EHBP1: variants seen among roughly 807,000 people sequenced by gnomAD.
EHBP1 encodes EH domain-binding protein 1.
In EHBP1, 55 loss-of-function variants were observed where a neutral mutation model predicts 144.0. The observed-to-expected ratio is 0.38, with a 90% CI of 0.31 to 0.48. EHBP1 has a LOEUF of 0.48. Ranked by LOEUF, EHBP1 falls within the 20% of genes least tolerant of loss-of-function variation. EHBP1 has a pLI of 0.98. For synonymous variants in EHBP1, 469 were observed against 472.7 expected (o/e 0.99, Z 0.10); for missense variants, 1,200 against 1,364.2 (o/e 0.88, Z 1.90).
intron 1 of EHBP1, among the ~76,000 whole-genome samples, chr2:62,682,163 C>G (rs888316852): frequency 6.6e-6 from 1 of 152,174 alleles, no homozygotes; most frequent in Admixed American, 6.5e-5. Flanking sequence ...GAGGACATGC[C>G]TACATTGTCA....
intron 5 of EHBP1, among the ~76,000 whole-genome samples, chr2:62,796,883 C>G (rs1329557033): frequency 1.4e-5 from 2 of 144,076 alleles, no homozygotes; most frequent in African/African-American, 5.2e-5. Context: ...TTTTCTTTGT[C>G]TCCTAAGTTC....
chr2:62,900,699 T>G (rs1209152526), intron 10 of EHBP1, among the ~76,000 whole-genome samples: 1 of 150,814 alleles, frequency 6.6e-6, no homozygotes, highest in African/African-American at 2.5e-5. Context: ...TATATATATA[T>G]ATATTTTCTT....
At chr2:62,763,204 C>G (rs1303759235) in intron 3 of EHBP1, among the ~76,000 whole-genome samples, 4 of 152,060 alleles carry the variant, frequency 2.6e-5, no homozygotes, top group Non-Finnish European at 4.4e-5. Context: ...TTTTCTTACC[C>G]CCAGTTCTTC....
chr2:63,020,490 G>A (rs1389684571), intron 19 of EHBP1, among the ~76,000 whole-genome samples: 16 of 147,998 alleles, frequency 1.1e-4, no homozygotes, highest in African/African-American at 4.0e-4. Context: ...ACAACAGAAT[G>A]AGACTACATC....
At chr2:62,995,516 T>G (rs1478260787) in intron 18 of EHBP1, among the ~76,000 whole-genome samples, 5 of 151,918 alleles carry the variant, frequency 3.3e-5, no homozygotes, top group African/African-American at 9.7e-5. Flanking sequence ...GTTTAAGGAG[T>G]AGTGAAATAT....
rs543614061 is a variant in EHBP1, at chr2:63,030,277, C to T, written c.3104-7258C>T. Among the ~76,000 whole-genome samples the T allele has an allele frequency of 3.9e-5, 6 of 152,190 alleles. No homozygotes were observed. The South Asian group carries it at 8.3e-4, about 21-fold the overall frequency. ...CATTTATGAGTCAGTTGCTCTATCA[C>T]GTGTATCCAAATAACCTAAATAAAG... is the stretch of plus-strand genomic sequence containing the variant. On this transcript the variant is annotated intron_variant, in intron 19 of 22. Transcript: ENST00000431489.
intron 12 of EHBP1, among the ~76,000 whole-genome samples, chr2:62,945,529 G>A (rs2057009966): frequency 6.6e-6 from 1 of 152,092 alleles, no homozygotes; most frequent in Non-Finnish European, 1.5e-5. Context: ...AATGTGTATT[G>A]CTATCAAAAA....
At chr2:62,814,800 A>C (rs1050621434) in intron 5 of EHBP1, among the ~76,000 whole-genome samples, 8 of 152,224 alleles carry the variant, frequency 5.3e-5, no homozygotes, top group Non-Finnish European at 8.8e-5. Flanking sequence ...AAACAATACT[A>C]CATTGAAGAC....
chr2:62,912,232 AT>A (rs1390839321), intron 10 of EHBP1, among the ~76,000 whole-genome samples: 8 of 152,196 alleles, frequency 5.3e-5, no homozygotes, highest in African/African-American at 1.7e-4. Context: ...ATTCAATAGA[AT>A]TTTTCAGTCA....
chr2:62,803,501 C>T (rs1558696857), intron 5 of EHBP1, among the ~76,000 whole-genome samples: 1 of 152,160 alleles, frequency 6.6e-6, no homozygotes, highest in South Asian at 2.1e-4. Context: ...GCTATCTAAT[C>T]ATTATATCAT....
intron 6 of EHBP1, among the ~76,000 whole-genome samples, chr2:62,827,257 T>C (rs916404472): frequency 2.6e-5 from 4 of 152,202 alleles, no homozygotes; most frequent in African/African-American, 7.2e-5. Context: ...TCTAAGCCAG[T>C]GTGGTAGAGA....
intron 7 of EHBP1, among the ~76,000 whole-genome samples, chr2:62,847,498 G>T (rs573455005): frequency 8.5e-5 from 13 of 152,238 alleles, no homozygotes; most frequent in African/African-American, 3.1e-4. Context: ...AAATTTGATA[G>T]ATTAAACTTA....
intron 10 of EHBP1, among the ~76,000 whole-genome samples, chr2:62,875,545 A>G (rs919513173): frequency 6.6e-6 from 1 of 152,220 alleles, no homozygotes; most frequent in Non-Finnish European, 1.5e-5. Context: ...CAGATGAGAA[A>G]AAGCCAGTGC....
At chr2:62,736,696 C>T (rs2038171541) in intron 2 of EHBP1, among the ~76,000 whole-genome samples, 1 of 152,108 alleles carries the variant, frequency 6.6e-6, no homozygotes, top group South Asian at 2.1e-4. Context: ...TTGGTTCTTT[C>T]TTAGTATTTC....
chr2:62,758,283 A>G (rs1456360400), intron 3 of EHBP1, among the ~76,000 whole-genome samples: 1 of 151,914 alleles, frequency 6.6e-6, no homozygotes, highest in Non-Finnish European at 1.5e-5. Context: ...TAAGTTTTGT[A>G]TTTTTAGTAG....
intron 5 of EHBP1, among the ~76,000 whole-genome samples, chr2:62,794,964 A>T (rs573883105): frequency 8.4e-4 from 128 of 152,196 alleles, no homozygotes; most frequent in African/African-American, 2.9e-3. Context: ...CTTAACACTA[A>T]CACAAGTTGG....
intron 9 of EHBP1, among the ~76,000 whole-genome samples, chr2:62,870,043 T>C (rs1193858711): frequency 4.6e-5 from 7 of 152,188 alleles, no homozygotes. Context: ...ATTAACATTA[T>C]TTAGAACTTG....
At chr2:62,830,812 A>G (rs1034187169) in intron 6 of EHBP1, among the ~76,000 whole-genome samples, 16 of 152,158 alleles carry the variant, frequency 1.1e-4, no homozygotes, top group African/African-American at 3.9e-4. Flanking sequence ...GTTAATTTTT[A>G]ATCTTATTAG....
chr2:62,860,478 G>T (rs900485043), intron 8 of EHBP1, among the ~76,000 whole-genome samples: 3 of 142,434 alleles, frequency 2.1e-5, no homozygotes, highest in African/African-American at 5.3e-5. Flanking sequence ...CAACAAGAGC[G>T]AAACTCCATC....
Sources: allele counts gnomAD v4.1 joint callset (sites outside exome capture counted in the v4.1 genomes callset), GRCh38; gene constraint gnomAD v4.1.1; transcripts MANE v1.5; gene names NCBI Gene and HGNC (gene_info 2026-07-23, HGNC 2026-07-21).